Variants in TMEM255A observed in about 807,000 individuals in gnomAD.
The protein encoded by TMEM255A is family with sequence similarity 70, member A.
In TMEM255A, 14 loss-of-function variants were observed where a neutral mutation model predicts 23.5. That is an observed-to-expected ratio of 0.60 (90% CI 0.39 to 0.93). The LOEUF (loss-of-function observed/expected upper bound fraction) is 0.93. TMEM255A is among the 40% of genes least tolerant of loss of function. TMEM255A has a pLI of 0.00. For synonymous variants in TMEM255A, 104 were observed against 100.3 expected (o/e 1.04, Z -0.22); for missense variants, 233 against 261.7 (o/e 0.89, Z 0.76).
intron 7 of TMEM255A, among the ~76,000 whole-genome samples, chrX:120,272,310 G>A (rs782034693): frequency 1.4e-4 from 16 of 111,972 alleles, no homozygotes; most frequent in Non-Finnish European, 2.3e-4. Context: ...TGGGGAGCAT[G>A]AGGACCCTGC....
intron 6 of TMEM255A, among the ~76,000 whole-genome samples, chrX:120,279,703 A>G (rs1271878029): frequency 2.7e-5 from 3 of 111,817 alleles, no homozygotes; most frequent in Admixed American, 9.5e-5. Context: ...CCAGATGCTG[A>G]CTCTAGCAAC....
the TMEM255A span, among the ~76,000 whole-genome samples, chrX:120,253,007 T>C: frequency 8.9e-6 from 1 of 112,389 alleles, no homozygotes; most frequent in African/African-American, 3.2e-5. Context: ...AAATAACTTC[T>C]GTGTGTTCAT....
the TMEM255A span, among the ~76,000 whole-genome samples, chrX:120,253,206 T>TG: frequency 8.9e-6 from 1 of 112,086 alleles, no homozygotes; most frequent in Admixed American, 9.4e-5. Context: ...ATGTAAAACT[T>TG]GCTCAACTCA....
chrX:120,284,517 C>G (rs369079056), intron 6 of TMEM255A, among the ~76,000 whole-genome samples: 1 of 107,270 alleles, frequency 9.3e-6, no homozygotes, highest in Non-Finnish European at 1.9e-5. Context: ...ATACAGTGTG[C>G]GTGCATGTGC....
chrX:120,300,759 G>A (rs1261030331), intron 2 of TMEM255A, among the ~76,000 whole-genome samples: 1 of 109,063 alleles, frequency 9.2e-6, no homozygotes, highest in Non-Finnish European at 1.9e-5. Flanking sequence ...GGCCCAGGCT[G>A]GAGCCCAGTG....
At chrX:120,308,474 T>C (rs1395908132) in intron 1 of TMEM255A, among the ~76,000 whole-genome samples, 4 of 111,898 alleles carry the variant, frequency 3.6e-5, no homozygotes, top group African/African-American at 1.3e-4. Context: ...GATTAGGATT[T>C]GCTTACCTGA....
At chrX:120,306,793 C>G (rs782765848) in intron 1 of TMEM255A, among the ~76,000 whole-genome samples, 1 of 112,239 alleles carries the variant, frequency 8.9e-6, no homozygotes, top group Non-Finnish European at 1.9e-5. Context: ...GCAAATATCA[C>G]TCTAACTTTT....
downstream of TMEM255A, chrX:120,256,428 A>C (rs1333777275): frequency 8.2e-6 from 1 of 122,500 alleles, no homozygotes; most frequent in Non-Finnish European, 1.9e-5. Flanking sequence ...CATATTGCGT[A>C]GAATCTCCAC....
intron 5 of TMEM255A, chrX:120,286,061 T>A: frequency 1.2e-5 from 5 of 411,625 alleles, no homozygotes; most frequent in Non-Finnish European, 1.9e-5. Context: ...TTATCATATA[T>A]GCATTTCTAT....
At position 120,270,220 on chromosome X, in the gene TMEM255A, T is replaced by A. The variant is rs1288914682; in HGVS notation, c.676-1833A>T. Among the ~76,000 whole-genome samples the A allele has an allele frequency of 4.5e-5, 5 of 111,500 alleles. No individual in the cohort carries two copies. In the Admixed American group the frequency reaches 4.8e-4, roughly 11 times the overall value. Reference sequence around the variant, plus strand: ...GGCCAAAATAGTGGTCTGGTTATATTTTAAATCAATAAATCTGATTTTACA... The same window carrying A: ...GGCCAAAATAGTGGTCTGGTTATATATTAAATCAATAAATCTGATTTTACA... On this transcript the variant is annotated intron_variant, in intron 7 of 8. Coordinates refer to ENST00000371369, the MANE Select transcript of TMEM255A (RefSeq NM_001104544.3).
chrX:120,293,944 C>CT (rs782457109), intron 3 of TMEM255A, 45 bp downstream of exon 3: 8 of 1,000,257 alleles, frequency 8.0e-6, no homozygotes, highest in East Asian at 3.4e-5. Flanking sequence ...AAATGTTGTG[C>CT]TTTTTTAGAG....
downstream of TMEM255A, chrX:120,254,047 A>G: frequency 2.5e-6 from 3 of 1,210,777 alleles, no homozygotes; most frequent in Non-Finnish European, 3.4e-6. Flanking sequence ...TTGCCGAGTA[A>G]TAACACAGTG....
intron 2 of TMEM255A, among the ~76,000 whole-genome samples, chrX:120,302,333 T>A (rs2058038068): frequency 9.0e-6 from 1 of 111,269 alleles, no homozygotes; most frequent in African/African-American, 3.3e-5. Context: ...TACCTTCCCC[T>A]CACCCACAGA....
At position 120,268,303 on chromosome X, in the gene TMEM255A, A is replaced by G. The variant is rs781965990; in HGVS notation, c.760T>C (p.Tyr254His). 8.3e-6 allele frequency: 10 copies of G among 1,207,380 alleles called. No homozygotes were observed. The African/African-American group carries it at 1.1e-4, about 13-fold the overall frequency. The change falls in exon 8 of 9, where the codon TAC becomes CAC. Residue 254 changes from tyrosine to histidine, a missense_variant. By Grantham distance (83) the Tyr-to-His change is moderately conservative (BLOSUM62 2). Coordinates refer to ENST00000371369, the MANE Select transcript of TMEM255A (RefSeq NM_001104544.3). ...GGAGGGCTATGGTAGTAGGTATTGT[A>G]GGATGCCACTTGGGGATGAGCATAG... ...SYYAHPQVAS[Y>H]NTYYHSPPHL...
At chrX:120,306,586 C>T (rs2147222528) in intron 1 of TMEM255A, among the ~76,000 whole-genome samples, 1 of 112,121 alleles carries the variant, frequency 8.9e-6, no homozygotes, top group South Asian at 3.8e-4. Flanking sequence ...CATTTGGATA[C>T]ACCACGGATA....
downstream of TMEM255A, chrX:120,254,874 A>G (rs782120191): frequency 1.7e-6 from 2 of 1,212,120 alleles, no homozygotes; most frequent in Non-Finnish European, 2.2e-6. Context: ...CTATGAGTTA[A>G]TAGTAGATGG....
At chrX:120,254,943 C>A, downstream of TMEM255A, 1 of 1,211,833 alleles carries the variant, frequency 8.3e-7, no homozygotes. Context: ...GACAAGCTTG[C>A]GGAGACATTT....
chrX:120,311,075 C>T (rs1408990645), intron 1 of TMEM255A, among the ~76,000 whole-genome samples, 177 bp downstream of exon 1: 1 of 111,144 alleles, frequency 9.0e-6, no homozygotes, highest in African/African-American at 3.3e-5. Context: ...CCCGCTGCAG[C>T]CAGGCCGCTC....
chrX:120,295,200 A>G (rs1223546531), intron 2 of TMEM255A, among the ~76,000 whole-genome samples: 1 of 111,741 alleles, frequency 8.9e-6, no homozygotes, highest in Non-Finnish European at 1.9e-5. Context: ...GGACCAATAA[A>G]TCTTAACACA....
Sources: gnomAD v4.1 joint callset for allele counts (sites outside exome capture counted in the v4.1 genomes callset) on GRCh38, gnomAD v4.1.1 for gene constraint, MANE v1.5 for transcripts, NCBI Gene and HGNC (gene_info 2026-07-23, HGNC 2026-07-21) for gene names.